HSF2BP: variants seen among roughly 807,000 people sequenced by gnomAD.
HSF2BP encodes the protein heat shock factor 2-binding protein.
In HSF2BP, 35 loss-of-function variants were observed where a neutral mutation model predicts 35.0. The observed-to-expected ratio is 1.00, with a 90% CI of 0.76 to 1.32. The LOEUF (loss-of-function observed/expected upper bound fraction) is 1.32, where lower values mean the gene tolerates loss of function less well. Among genes scored for constraint, HSF2BP ranks in the 40% most tolerant of loss-of-function variants. HSF2BP has a pLI of 0.00. For missense variants in HSF2BP, 326 were observed against 321.7 expected, an observed-to-expected ratio of 1.01 and a Z score of -0.10; for synonymous variants, 114 against 117.4, an observed-to-expected ratio of 0.97 and a Z score of 0.18.
intron 7 of HSF2BP, among the ~76,000 whole-genome samples, chr21:43,607,306 G>C: frequency 6.7e-6 from 1 of 149,766 alleles, no homozygotes; most frequent in East Asian, 1.9e-4. Flanking sequence ...AAAAAAAAAG[G>C]TTCAAGCTGA....
chr21:43,606,433 G>T (rs777009583), intron 7 of HSF2BP, among the ~76,000 whole-genome samples: 1 of 152,162 alleles, frequency 6.6e-6, no homozygotes, highest in Non-Finnish European at 1.5e-5. Context: ...GTGAGCAGGA[G>T]GAAAGAGGAG....
intron 7 of HSF2BP, among the ~76,000 whole-genome samples, chr21:43,600,044 C>T (rs1025225521): frequency 1.3e-5 from 2 of 152,106 alleles, no homozygotes; most frequent in Admixed American, 6.5e-5. Flanking sequence ...AATAAAGGTA[C>T]TGGTGAACTC....
chr21:43,655,419 G>C (rs980104629), intron 3 of HSF2BP, among the ~76,000 whole-genome samples: 1 of 152,200 alleles, frequency 6.6e-6, no homozygotes, highest in African/African-American at 2.4e-5. Flanking sequence ...TTACAGAGGG[G>C]AGAGCAGAGA....
intron 7 of HSF2BP, among the ~76,000 whole-genome samples, chr21:43,603,790 G>T (rs547883092): frequency 1.3e-5 from 2 of 152,246 alleles, no homozygotes; most frequent in East Asian, 3.9e-4. Context: ...GATAAACTAG[G>T]AACAGCCCGA....
chr21:43,638,754 C>T (rs2082597711), intron 4 of HSF2BP, among the ~76,000 whole-genome samples: 1 of 152,126 alleles, frequency 6.6e-6, no homozygotes. Context: ...ACAAACGTAC[C>T]ACAATTTCTA....
At chr21:43,621,851 C>G (rs1216091475) in intron 6 of HSF2BP, among the ~76,000 whole-genome samples, 8 of 151,986 alleles carry the variant, frequency 5.3e-5, no homozygotes, top group Non-Finnish European at 1.0e-4. Flanking sequence ...ATATAAAACA[C>G]ACTGGTACAC....
chr21:43,631,044 T>C (rs2082449666), intron 5 of HSF2BP, among the ~76,000 whole-genome samples: 1 of 152,216 alleles, frequency 6.6e-6, no homozygotes, highest in African/African-American at 2.4e-5. Context: ...GAAAACTTCA[T>C]GGATGATCAA....
rs117392497 is a variant in HSF2BP at position 43,655,800 on chromosome 21, G to A, written c.187+787C>T. Among the ~76,000 whole-genome samples the A allele has an allele frequency of 3.0e-3, 453 of 152,268 alleles. 4 individuals are homozygous for A. Among genetic ancestry groups the A allele is most frequent in the Non-Finnish European group, 3.7e-3 (254 of 68,014 alleles). ...GGACAAGGTACGGTGGATGAGAACT[G>A]TCCCTTCTAACTGGATGTGGCTGGC... On this transcript the variant is annotated intron_variant, in intron 3 of 8. Transcript: ENST00000291560.
chr21:43,608,027 A>T (rs1444144989), intron 7 of HSF2BP, among the ~76,000 whole-genome samples: 2 of 152,212 alleles, frequency 1.3e-5, no homozygotes, highest in East Asian at 3.8e-4. Context: ...TCTTCTGGAT[A>T]TCGGCCTAGG....
intron 8 of HSF2BP, among the ~76,000 whole-genome samples, chr21:43,575,418 C>T (rs2081630585): frequency 6.6e-6 from 1 of 152,210 alleles, no homozygotes; most frequent in African/African-American, 2.4e-5. Flanking sequence ...CTTGAGAAGA[C>T]ACTGTAGCTC....
rs1456948528 is a variant in HSF2BP, at chr21:43,579,316, AGTT to A, written c.796+12906_796+12908del. 5.3e-5 allele frequency among the ~76,000 whole-genome samples: 8 copies of A among 152,112 alleles called. No homozygotes were observed. In the South Asian group the frequency reaches 6.2e-4, roughly 12 times the overall value. ...AAAGAATAATGAAGAATTCATGCAG[AGTT>A]ATTATAAAAATTATTCCAATATTTG... On this transcript the variant is annotated intron_variant, in intron 8 of 8. Coordinates refer to ENST00000291560, the MANE Select transcript of HSF2BP (RefSeq NM_007031.2).
At chr21:43,495,554 C>CG in the HSF2BP span, among the ~76,000 whole-genome samples, 1 of 110,424 alleles carries the variant, frequency 9.1e-6, no homozygotes, top group African/African-American at 3.7e-5. Context: ...CCAAAGTCAT[C>CG]GGCTCATATC....
chr21:43,507,250 T>G, the HSF2BP span, among the ~76,000 whole-genome samples: 2 of 119,800 alleles, frequency 1.7e-5, no homozygotes, highest in Admixed American at 1.6e-4. Context: ...CTTTAAAAAT[T>G]AACTGCCTGT....
chr21:43,593,787 A>C (rs2081954630), intron 7 of HSF2BP, among the ~76,000 whole-genome samples: 1 of 152,182 alleles, frequency 6.6e-6, no homozygotes, highest in Non-Finnish European at 1.5e-5. Context: ...AAAACAGATT[A>C]AAGAAAGATA....
rs1053573395 is a variant in HSF2BP at position 43,658,303 on chromosome 21, G to A, written c.-207C>T. The A allele has an allele frequency of 3.4e-5, 20 of 587,156 alleles. No homozygotes were observed. Among genetic ancestry groups the A allele is most frequent in the Non-Finnish European group, 4.9e-5 (17 of 343,708 alleles). The allele number at this position is 587,156 out of a possible 1,614,324, so 36.4% of individuals were successfully genotyped here. ...CTCTTTGGCTCTTCTGGCTTAGCCG[G>A]GGTTTTAAACTTGTTATCTGCAAAG... On this transcript the variant is annotated 5_prime_UTR_variant, in exon 2 of 9. Coordinates refer to ENST00000291560, the MANE Select transcript of HSF2BP (RefSeq NM_007031.2).
intron 2 of HSF2BP, 56 bp downstream of exon 2, chr21:43,658,005 G>T: frequency 6.5e-7 from 1 of 1,534,316 alleles, no homozygotes; most frequent in South Asian, 1.2e-5. Context: ...GGCCCTGAGG[G>T]GAGCGAATGG....
chr21:43,642,393 A>G (rs930547768), intron 4 of HSF2BP, among the ~76,000 whole-genome samples: 3 of 152,176 alleles, frequency 2.0e-5, no homozygotes, highest in Non-Finnish European at 4.4e-5. Context: ...ATAAGTTTCT[A>G]GAGTCCCTCC....
At chr21:43,644,086 C>G (rs533992942) in intron 4 of HSF2BP, among the ~76,000 whole-genome samples, 1 of 152,028 alleles carries the variant, frequency 6.6e-6, no homozygotes, top group Non-Finnish European at 1.5e-5. Flanking sequence ...TTAAAAGATA[C>G]CAAGTGAATG....
intron 8 of HSF2BP, among the ~76,000 whole-genome samples, chr21:43,586,173 T>C (rs1435043086): frequency 6.6e-6 from 1 of 152,200 alleles, no homozygotes; most frequent in Admixed American, 6.5e-5. Context: ...ATACACTCTG[T>C]CCTCGTCGGC....
Sources: allele counts gnomAD v4.1 joint callset (sites outside exome capture counted in the v4.1 genomes callset), GRCh38; gene constraint gnomAD v4.1.1; transcripts MANE v1.5; gene names NCBI Gene and HGNC (gene_info 2026-07-23, HGNC 2026-07-21).